BMERB1: variants seen among roughly 807,000 people sequenced by gnomAD.
BMERB1 encodes the protein bMERB domain-containing protein 1.
BMERB1 carries 12 observed loss-of-function variants against 23.6 expected under a neutral mutation model. The ratio of observed to expected loss-of-function variants is 0.51; its 90% CI spans 0.33 to 0.82. The LOEUF is 0.82. Among genes scored for constraint, BMERB1 ranks in the 40% least tolerant of loss-of-function variants. The pLI, the probability that BMERB1 is intolerant of heterozygous loss-of-function variation, is 0.03. For synonymous variants in BMERB1, 122 were observed against 96.6 expected (o/e 1.26, Z -1.54); for missense variants, 247 against 255.4 (o/e 0.97, Z 0.22).
intron 2 of BMERB1, among the ~76,000 whole-genome samples, chr16:15,534,295 A>AG (rs1432252818): frequency 1.6e-5 from 2 of 126,218 alleles, no homozygotes; most frequent in Admixed American, 8.6e-5. Flanking sequence ...GCAAAAAAAA[A>AG]AAAAAAAAAA....
At chr16:15,470,717 G>A (rs1315757528) in intron 1 of BMERB1, among the ~76,000 whole-genome samples, 1 of 151,354 alleles carries the variant, frequency 6.6e-6, no homozygotes, top group Non-Finnish European at 1.5e-5. Flanking sequence ...GTAGAGACGG[G>A]GTTTCACCAT....
intron 1 of BMERB1, among the ~76,000 whole-genome samples, 173 bp downstream of exon 1, chr16:15,434,932 C>T (rs1440394480): frequency 1.3e-5 from 2 of 152,146 alleles, no homozygotes; most frequent in African/African-American, 4.8e-5. Flanking sequence ...GCTCTCCCCG[C>T]GAACAAAAGG....
chr16:15,510,725 G>A (rs189583655), intron 1 of BMERB1, among the ~76,000 whole-genome samples: 3 of 151,170 alleles, frequency 2.0e-5, no homozygotes, highest in Admixed American at 6.6e-5. Flanking sequence ...TTTTTTAGAC[G>A]TAGTCTCACT....
intron 1 of BMERB1, among the ~76,000 whole-genome samples, chr16:15,438,077 C>A (rs966577057): frequency 6.6e-6 from 1 of 152,032 alleles, no homozygotes; most frequent in African/African-American, 2.4e-5. Flanking sequence ...TGCGTGGATC[C>A]TCAAATCTGG....
chr16:15,541,181 A>G (rs2052075376), intron 2 of BMERB1, among the ~76,000 whole-genome samples: 1 of 152,038 alleles, frequency 6.6e-6, no homozygotes, highest in Admixed American at 6.6e-5. Flanking sequence ...GGTTTATTAC[A>G]AAGGACAGAA....
chr16:15,453,517 G>T (rs1343708023), intron 1 of BMERB1, among the ~76,000 whole-genome samples: 2 of 152,176 alleles, frequency 1.3e-5, no homozygotes, highest in African/African-American at 4.8e-5. Context: ...AGGAGTATGA[G>T]GCTGCAGTGA....
At chr16:15,548,843 G>C (rs367894883) in intron 2 of BMERB1, among the ~76,000 whole-genome samples, 1 of 152,186 alleles carries the variant, frequency 6.6e-6, no homozygotes, top group Non-Finnish European at 1.5e-5. Context: ...AATTGCCAGT[G>C]GTGATGGTAG....
intron 1 of BMERB1, among the ~76,000 whole-genome samples, chr16:15,493,677 C>T (rs894244783): frequency 6.6e-6 from 1 of 152,092 alleles, no homozygotes; most frequent in African/African-American, 2.4e-5. Context: ...TTTCCCCTGG[C>T]TGCTCTTCCC....
chr16:15,489,096 G>C (rs1323340876), intron 1 of BMERB1, among the ~76,000 whole-genome samples: 1 of 152,086 alleles, frequency 6.6e-6, no homozygotes, highest in Non-Finnish European at 1.5e-5. Flanking sequence ...ACTACTTCTG[G>C]TGTGTATCTG....
At chr16:15,518,027 G>T (rs1023984712) in intron 2 of BMERB1, among the ~76,000 whole-genome samples, 3 of 151,882 alleles carry the variant, frequency 2.0e-5, no homozygotes, top group African/African-American at 7.3e-5. Context: ...GGATGTGTGC[G>T]TGTGTGGATG....
chr16:15,583,420 A>G, intron 5 of BMERB1, among the ~76,000 whole-genome samples, 182 bp downstream of exon 5: 2 of 152,068 alleles, frequency 1.3e-5, no homozygotes, highest in Non-Finnish European at 2.9e-5. Context: ...TCTACCAAAA[A>G]TATAAAAATT....
intron 1 of BMERB1, among the ~76,000 whole-genome samples, chr16:15,476,242 A>AG (rs1342616059): frequency 6.9e-6 from 1 of 144,242 alleles, no homozygotes; most frequent in Non-Finnish European, 1.5e-5. Context: ...GGCTTATTGC[A>AG]GCCTCCGCCT....
At chr16:15,505,216 A>G (rs534806501) in intron 1 of BMERB1, among the ~76,000 whole-genome samples, 5 of 152,330 alleles carry the variant, frequency 3.3e-5, no homozygotes, top group Non-Finnish European at 7.3e-5. Context: ...CTGGAATTCT[A>G]TTCTACAACA....
intron 1 of BMERB1, among the ~76,000 whole-genome samples, chr16:15,464,925 C>T (rs1327177291): frequency 6.6e-6 from 1 of 152,116 alleles, no homozygotes; most frequent in African/African-American, 2.4e-5. Context: ...CCAAGTAGGT[C>T]TCAGCCTTAT....
chr16:15,503,681 C>T (rs947435715), intron 1 of BMERB1, among the ~76,000 whole-genome samples: 8 of 152,144 alleles, frequency 5.3e-5, no homozygotes, highest in African/African-American at 1.7e-4. Flanking sequence ...CATCCCATTT[C>T]ATCCCTACAG....
chr16:15,519,842 C>CT (rs1390816544), intron 2 of BMERB1, among the ~76,000 whole-genome samples: 1 of 152,154 alleles, frequency 6.6e-6, no homozygotes, highest in Admixed American at 6.6e-5. Context: ...TGTTCTTCCT[C>CT]TTTTCCTGCC....
intron 2 of BMERB1, among the ~76,000 whole-genome samples, chr16:15,522,687 A>G (rs1200740404): frequency 6.6e-6 from 1 of 152,160 alleles, no homozygotes; most frequent in Non-Finnish European, 1.5e-5. Flanking sequence ...ATGAAATGGG[A>G]AAAGTTCCCT....
intron 1 of BMERB1, among the ~76,000 whole-genome samples, chr16:15,443,848 G>A (rs1017875132): frequency 6.6e-6 from 1 of 152,016 alleles, no homozygotes; most frequent in African/African-American, 2.4e-5. Flanking sequence ...GCACCCTGGA[G>A]GTAGAGGTTG....
At chr16:15,490,773 A>G (rs962338126) in intron 1 of BMERB1, among the ~76,000 whole-genome samples, 9 of 152,346 alleles carry the variant, frequency 5.9e-5, no homozygotes, top group African/African-American at 1.9e-4. Flanking sequence ...GTGTGTGGCT[A>G]AGTCGGAAGA....
Sources: allele counts gnomAD v4.1 joint callset (sites outside exome capture counted in the v4.1 genomes callset), GRCh38; gene constraint gnomAD v4.1.1; transcripts MANE v1.5; gene names NCBI Gene and HGNC (gene_info 2026-07-23, HGNC 2026-07-21).